FOSL1: variants seen among roughly 807,000 people sequenced by gnomAD.
FOSL1 encodes FOS like 1, AP-1 transcription factor subunit, also known as fos-related antigen 1.
Under a neutral mutation model 24.9 loss-of-function variants are expected in FOSL1, and 14 were observed. The observed-to-expected ratio is 0.56, with a 90% CI of 0.37 to 0.88. The LOEUF (loss-of-function observed/expected upper bound fraction) is 0.88, where lower values mean the gene tolerates loss of function less well. FOSL1 is among the 40% of genes least tolerant of loss of function. FOSL1 has a pLI of 0.00. For synonymous variants in FOSL1, 133 were observed against 145.1 expected (o/e 0.92, Z 0.60); for missense variants, 318 against 359.8 (o/e 0.88, Z 0.94).
chr11:65,893,288 G>T lies in FOSL1; in HGVS notation c.414C>A (p.Asp138Glu). ...GCCCAGATTTCTCATCTTCCAGTTT[G>T]TCAGTCTCCTGTAGAAGATCAGGAG... Reference protein sequence around the residue: ...ELTDFLQAETDKLEDEKSGLQ... With the variant: ...ELTDFLQAETEKLEDEKSGLQ... Residue 138 changes from aspartate to glutamate, a missense_variant, in exon 4 of 4, where the codon GAC (aspartate) becomes GAA (glutamate). Asp to Glu is a conservative substitution (Grantham distance 45). Coordinates refer to ENST00000312562, the MANE Select transcript of FOSL1 (RefSeq NM_005438.5). The T allele has an allele frequency of 6.2e-7, 1 of 1,607,958 alleles. No homozygotes were observed. Among genetic ancestry groups the T allele is most frequent in the East Asian group, 2.2e-5 (1 of 44,848 alleles).
intron 1 of FOSL1, among the ~76,000 whole-genome samples, chr11:65,898,478 C>T (rs1044610066): frequency 1.6e-4 from 25 of 152,200 alleles, no homozygotes; most frequent in African/African-American, 6.0e-4. Context: ...AGCCACCTGG[C>T]ATGGCAGGCT....
chr11:65,897,716 C>A (rs1390461433), intron 1 of FOSL1, among the ~76,000 whole-genome samples: 1 of 152,068 alleles, frequency 6.6e-6, no homozygotes, highest in Non-Finnish European at 1.5e-5. Flanking sequence ...GGGCTCTTAC[C>A]CACTCCTGCA....
Position 65,894,123 on chromosome 11 carries a change from T to TG in FOSL1, c.298-3dup. The TG allele has an allele frequency of 2.5e-6, 4 of 1,599,172 alleles. No homozygotes were observed. Among genetic ancestry groups the TG allele is most frequent in the Non-Finnish European group, 2.6e-6 (3 of 1,176,296 alleles). ...GCGCTCCTCTTCCTCCGGGCTGATC[T>TG]GGGGGTGAGACCCGCAGTGAGGAGG... On this transcript the variant is annotated splice_region_variant and splice_polypyrimidine_tract_variant and intron_variant, in intron 2 of 3. Transcript: ENST00000312562.
rs1416098633 is a variant in FOSL1, at chr11:65,898,043, C to CCGTTTTTTTTTTTTT, written c.100-1038_100-1037insAAAAAAAAAAAAACG. 1.6e-4 allele frequency among the ~76,000 whole-genome samples: 13 copies of CCGTTTTTTTTTTTTT among 79,650 alleles called. 5 individuals carry two copies. The highest frequency in any genetic ancestry group is 1.7e-4 in the Admixed American group (1 of 5,808). The allele number at this position is 79,650 out of a possible 152,430, so 52.3% of individuals were successfully genotyped here. A position where few individuals can be genotyped will look rare whatever the true frequency, so the allele number is the denominator to read the frequency against. ...ATTTGGCTAATTTTTTTTTTCTTTT[C>CCGTTTTTTTTTTTTT]TGTTTTTTTTTTTTTGAGACACAGT... On this transcript the variant is annotated intron_variant, in intron 1 of 3. Transcript: ENST00000312562.
intron 1 of FOSL1, 71 bp from the exon 2 acceptor site, chr11:65,897,077 T>C: frequency 8.9e-7 from 1 of 1,127,118 alleles, no homozygotes; most frequent in Non-Finnish European, 1.3e-6. Flanking sequence ...GGGCAGAGGC[T>C]ACACTGCTGT....
rs1860420111 is a variant in FOSL1, at chr11:65,892,817, T to A, written c.*69A>T. 3.3e-6 allele frequency: 5 copies of A among 1,505,868 alleles called. No homozygotes were observed. Among genetic ancestry groups the A allele is most frequent in the Admixed American group, 3.6e-5 (2 of 56,014 alleles). The allele number at this position is 1,505,868 out of a possible 1,614,324, so 93.3% of individuals were successfully genotyped here. On this transcript the variant is annotated 3_prime_UTR_variant, in exon 4 of 4. Coordinates refer to ENST00000312562, the MANE Select transcript of FOSL1 (RefSeq NM_005438.5). ...GATGTGGGATACTGTCCAGGCCAGC[T>A]GGACCGGTGGGGGAAGGGGAGGAGA...
intron 3 of FOSL1, among the ~76,000 whole-genome samples, 193 bp from the exon 4 acceptor site, chr11:65,893,489 A>C (rs903874353): frequency 1.3e-5 from 2 of 152,168 alleles, no homozygotes; most frequent in Admixed American, 1.3e-4. Flanking sequence ...CATCAGGCCC[A>C]GACGTTTTAG....
At chr11:65,900,425 A>C (rs1860648377), upstream of FOSL1, 1 of 788,380 alleles carries the variant, frequency 1.3e-6, no homozygotes, top group Non-Finnish European at 1.7e-6. Context: ...TTTATGAATG[A>C]AAAGTTCTCG....
rs750484930 is a variant in FOSL1 at position 65,892,856 on chromosome 11, G to A, written c.*30C>T. The A allele has an allele frequency of 6.2e-6, 10 of 1,602,490 alleles. No individual in the cohort carries two copies. In the South Asian group the frequency reaches 6.7e-5, roughly 11 times the overall value. ...AAGGGGAGGAGACATTGGCTAGGGT[G>A]GCATCTGCAGGGAGTAGGGCTCAGG... On this transcript the variant is annotated 3_prime_UTR_variant, in exon 4 of 4. Transcript: ENST00000312562.
chr11:65,894,180 C>T, intron 2 of FOSL1, 59 bp from the exon 3 acceptor site: 1 of 1,308,274 alleles, frequency 7.6e-7, no homozygotes. Context: ...GGAACTCGCC[C>T]CTCATGGTGG....
chr11:65,893,392 C>T (rs558878871), intron 3 of FOSL1, 96 bp from the exon 4 acceptor site: 8 of 381,798 alleles, frequency 2.1e-5, no homozygotes, highest in South Asian at 7.1e-5. Flanking sequence ...TGGGGTTGGG[C>T]GGGGGGAGAG....
Position 65,896,878 on chromosome 11 carries a change from T to TG in FOSL1, c.227dup (p.Gln77ThrfsTer22), listed in dbSNP as rs750176184. The TG allele has an allele frequency of 1.9e-6, 3 of 1,613,604 alleles. No individual in the cohort carries two copies. Among genetic ancestry groups the TG allele is most frequent in the Non-Finnish European group, 2.5e-6 (3 of 1,179,732 alleles). On this transcript the variant is annotated frameshift_variant, in exon 2 of 4. Coordinates refer to ENST00000312562, the MANE Select transcript of FOSL1 (RefSeq NM_005438.5). LOFTEE classifies it high-confidence loss of function. ...CCCGGATGACTCCTGGCCGGGGTTG[T>TG]GGGGGGCTGTACTGAGGGTAGGTCA...
At chr11:65,894,593 A>G (rs553792931) in intron 2 of FOSL1, among the ~76,000 whole-genome samples, 2 of 152,316 alleles carry the variant, frequency 1.3e-5, no homozygotes, top group South Asian at 4.1e-4. Context: ...GAAAACTACT[A>G]TGTGCCAGCC....
intron 3 of FOSL1, 146 bp from the exon 4 acceptor site, chr11:65,893,442 C>T: frequency 1.6e-6 from 1 of 641,562 alleles, no homozygotes; most frequent in South Asian, 2.0e-5. Flanking sequence ...TGGACTACAA[C>T]TCCCATAAGC....
At chr11:65,897,152 C>T (rs969402308) in intron 1 of FOSL1, 146 bp from the exon 2 acceptor site, 6 of 652,502 alleles carry the variant, frequency 9.2e-6, no homozygotes, top group African/African-American at 9.0e-5. Context: ...CAGAGACTGA[C>T]CTGGTGGCAA....
At position 65,893,362 on chromosome 11, in the gene FOSL1, G is replaced by A. The variant is rs980407752; in HGVS notation, c.406-66C>T. The A allele has an allele frequency of 6.1e-6, 8 of 1,306,654 alleles. No homozygotes were observed. The Admixed American group carries it at 1.7e-4, about 28-fold the overall frequency. The allele number at this position is 1,306,654 out of a possible 1,614,324, so 80.9% of individuals were successfully genotyped here. Reference sequence around the variant, plus strand: ...AATACCCCAGAGCCGCAGACGTTTGGACTCAGGGTTCTGAGGAGCTGGGGT... The same window carrying A: ...AATACCCCAGAGCCGCAGACGTTTGAACTCAGGGTTCTGAGGAGCTGGGGT... On this transcript the variant is annotated intron_variant, in intron 3 of 3. Transcript: ENST00000312562.
intron 2 of FOSL1, among the ~76,000 whole-genome samples, chr11:65,895,860 G>A (rs893308035): frequency 3.3e-5 from 5 of 152,026 alleles, no homozygotes; most frequent in African/African-American, 1.2e-4. Context: ...ACACCAAAAT[G>A]CCCCAGGGAG....
At chr11:65,893,528 G>A (rs547035485) in intron 3 of FOSL1, among the ~76,000 whole-genome samples, 1 of 152,138 alleles carries the variant, frequency 6.6e-6, no homozygotes, top group African/African-American at 2.4e-5. Flanking sequence ...CAGTGACTCC[G>A]GCCTGTAATC....
chr11:65,898,305 T>A (rs1477116457), intron 1 of FOSL1, among the ~76,000 whole-genome samples: 1 of 152,132 alleles, frequency 6.6e-6, no homozygotes, highest in Non-Finnish European at 1.5e-5. Flanking sequence ...CCTCCCACAG[T>A]GCTGGGATTA....
Sources: gnomAD v4.1 joint callset for allele counts (sites outside exome capture counted in the v4.1 genomes callset) on GRCh38, gnomAD v4.1.1 for gene constraint, MANE v1.5 for transcripts, NCBI Gene and HGNC (gene_info 2026-07-23, HGNC 2026-07-21) for gene names.